The following ERC2 variants were observed in gnomAD, a reference collection of about 807,000 sequenced individuals.
ERC2 encodes the protein ELKS/RAB6-interacting/CAST family member 2.
A neutral mutation model predicts 114.8 loss-of-function variants in ERC2; 42 were observed. The observed-to-expected ratio is 0.37, with a 90% confidence interval of 0.29 to 0.47. The LOEUF (loss-of-function observed/expected upper bound fraction) is 0.47. Ranked by LOEUF, ERC2 falls within the 20% of genes least tolerant of loss-of-function variation. The probability of loss-of-function intolerance (pLI) is 0.99; values close to 1 mark genes in which losing one functional copy is unlikely to be tolerated. For synonymous variants in ERC2, 454 were observed against 425.5 expected (o/e 1.07, Z -0.82); for missense variants, 939 against 1,150.7 (o/e 0.82, Z 2.66).
At chr3:55,868,001 C>T (rs1213997073) in intron 14 of ERC2, among the ~76,000 whole-genome samples, 6 of 152,092 alleles carry the variant, frequency 3.9e-5, no homozygotes, top group African/African-American at 9.7e-5. Flanking sequence ...CTAGAATTTC[C>T]GATCATCTAG....
At chr3:55,554,165 C>T (rs940221712) in intron 17 of ERC2, among the ~76,000 whole-genome samples, 6 of 151,870 alleles carry the variant, frequency 4.0e-5, no homozygotes, top group African/African-American at 1.2e-4. Flanking sequence ...AGGGTGTAGA[C>T]GACCTGGACT....
Position 55,655,396 on chromosome 3 carries a change from G to A in ERC2, c.*39+28398C>T, listed in dbSNP as rs541406722. ...CTTAGATTATGGATCAAAATTAGAG[G>A]AGCCCCAAGATTGTTTCCTGCACTT... On this transcript the variant is annotated intron_variant, in intron 17 of 17. Coordinates refer to ENST00000288221, the MANE Select transcript of ERC2 (RefSeq NM_015576.3). Among the ~76,000 whole-genome samples, 11 of 152,264 alleles carry A rather than the reference G, an allele frequency of 7.2e-5. No individual in the cohort carries two copies. The South Asian group carries it at 2.1e-3, about 29-fold the overall frequency.
Position 55,947,286 on chromosome 3 carries a change from C to T in ERC2, c.2403+3139G>A, listed in dbSNP as rs577841848. Among the ~76,000 whole-genome samples, 6 of 152,258 alleles carry T rather than the reference C, an allele frequency of 3.9e-5. No individual in the cohort carries two copies. In the East Asian group the frequency reaches 9.7e-4, roughly 25 times the overall value. On this transcript the variant is annotated intron_variant, in intron 13 of 17. Transcript: ENST00000288221. Reference sequence around the variant, plus strand: ...CCTCAACTATATCCACACACTAAGGCCACCTACAGCTGAAATTTTTCATTA... The same window carrying T: ...CCTCAACTATATCCACACACTAAGGTCACCTACAGCTGAAATTTTTCATTA...
intron 3 of ERC2, among the ~76,000 whole-genome samples, chr3:56,179,299 T>G (rs1377305247): frequency 6.6e-6 from 1 of 151,798 alleles, no homozygotes; most frequent in Non-Finnish European, 1.5e-5. Context: ...GCCAAAGAAG[T>G]GCAGGGGTGG....
At chr3:56,380,911 G>A (rs2059724482) in intron 2 of ERC2, among the ~76,000 whole-genome samples, 1 of 152,072 alleles carries the variant, frequency 6.6e-6, no homozygotes, top group Non-Finnish European at 1.5e-5. Context: ...CATCAAACTA[G>A]GCCAATTTAC....
chr3:55,907,057 G>C (rs1396913731), intron 13 of ERC2, among the ~76,000 whole-genome samples: 1 of 152,132 alleles, frequency 6.6e-6, no homozygotes, highest in East Asian at 1.9e-4. Context: ...TATGCACCCT[G>C]GCCTTCACCC....
chr3:56,134,641 C>G (rs1001352802), intron 6 of ERC2, among the ~76,000 whole-genome samples: 1 of 151,962 alleles, frequency 6.6e-6, no homozygotes, highest in African/African-American at 2.4e-5. Context: ...AGTTATGAAC[C>G]CTTGCTTTGC....
chr3:55,821,332 G>T (rs571712872), intron 14 of ERC2, among the ~76,000 whole-genome samples: 1 of 152,148 alleles, frequency 6.6e-6, no homozygotes, highest in East Asian at 1.9e-4. Flanking sequence ...CTGTAGAGGG[G>T]CTAATTCTGA....
intron 2 of ERC2, among the ~76,000 whole-genome samples, chr3:56,328,673 T>A (rs553388105): frequency 6.6e-6 from 1 of 152,238 alleles, no homozygotes; most frequent in African/African-American, 2.4e-5. Flanking sequence ...TCCTAACTAC[T>A]TTGAGAGGGA....
intron 14 of ERC2, among the ~76,000 whole-genome samples, chr3:55,754,359 C>CA (rs1473586435): frequency 6.6e-6 from 1 of 151,508 alleles, no homozygotes; most frequent in African/African-American, 2.4e-5. Flanking sequence ...CAGATAAATG[C>CA]AAAAAGAACT....
intron 14 of ERC2, among the ~76,000 whole-genome samples, chr3:55,800,669 T>C (rs1476192294): frequency 6.6e-6 from 1 of 151,906 alleles, no homozygotes; most frequent in Non-Finnish European, 1.5e-5. Context: ...AAGAGGCAAA[T>C]GAGTGAACGG....
At chr3:55,830,412 T>C (rs1000513386) in intron 14 of ERC2, among the ~76,000 whole-genome samples, 1 of 152,206 alleles carries the variant, frequency 6.6e-6, no homozygotes, top group Non-Finnish European at 1.5e-5. Context: ...GGAAATATAA[T>C]GGACTATTTT....
At chr3:55,699,961 C>G (rs1163847773) in intron 15 of ERC2, among the ~76,000 whole-genome samples, 3 of 152,160 alleles carry the variant, frequency 2.0e-5, no homozygotes, top group African/African-American at 7.2e-5. Context: ...ACAATGGTCT[C>G]ACAAGACAAG....
intron 3 of ERC2, among the ~76,000 whole-genome samples, chr3:56,290,688 G>A (rs2055025968): frequency 6.6e-6 from 1 of 152,194 alleles, no homozygotes; most frequent in Non-Finnish European, 1.5e-5. Context: ...GATTATACAG[G>A]ACAAGTTTGA....
At chr3:55,512,272 C>T (rs954123359) in intron 17 of ERC2, among the ~76,000 whole-genome samples, 1 of 152,212 alleles carries the variant, frequency 6.6e-6, no homozygotes, top group East Asian at 1.9e-4. Flanking sequence ...TGGATGAACT[C>T]TGCTAATTCA....
intron 17 of ERC2, among the ~76,000 whole-genome samples, chr3:55,647,637 A>G (rs2060451713): frequency 6.6e-6 from 1 of 152,354 alleles, no homozygotes; most frequent in East Asian, 1.9e-4. Context: ...AGACTTAAAT[A>G]TAGCTTCAGA....
chr3:55,626,378 CAGA>C (rs763185932), intron 17 of ERC2, among the ~76,000 whole-genome samples: 1 of 152,118 alleles, frequency 6.6e-6, no homozygotes, highest in Non-Finnish European at 1.5e-5. Flanking sequence ...TTTAAGAAAC[CAGA>C]AGGAGAGAAA....
chr3:55,753,272 CAG>C (rs1228155347), intron 14 of ERC2, among the ~76,000 whole-genome samples: 3 of 152,136 alleles, frequency 2.0e-5, no homozygotes, highest in African/African-American at 4.8e-5. Flanking sequence ...AAACAGAAAA[CAG>C]GGGTAACATA....
chr3:55,710,707 A>T (rs1185211), intron 15 of ERC2, among the ~76,000 whole-genome samples: 82,970 of 152,114 alleles, frequency 0.55, 23,012 homozygotes, highest in South Asian at 0.69. Context: ...TGATAGTACT[A>T]GGAAAAGGCG....
Sources: gnomAD v4.1 joint callset for allele counts (sites outside exome capture counted in the v4.1 genomes callset) on GRCh38, gnomAD v4.1.1 for gene constraint, MANE v1.5 for transcripts, NCBI Gene and HGNC (gene_info 2026-07-23, HGNC 2026-07-21) for gene names.